The following MTUS2 variants were observed in gnomAD, a reference collection of about 807,000 sequenced individuals.
MTUS2 encodes the protein microtubule-associated tumor suppressor candidate 2.
In MTUS2, 40 loss-of-function variants were observed where a neutral mutation model predicts 114.1. The ratio of observed to expected loss-of-function variants is 0.35; its 90% CI spans 0.27 to 0.46. The LOEUF is 0.46. MTUS2 is among the 20% of genes least tolerant of loss of function. MTUS2 has a pLI of 1.00. For synonymous variants in MTUS2, 688 were observed against 672.0 expected, an observed-to-expected ratio of 1.02 and a Z score of -0.37; for missense variants, 1,679 against 1,705.4, an observed-to-expected ratio of 0.98 and a Z score of 0.27.
At chr13:29,065,645 T>G (rs890021312) in intron 4 of MTUS2, among the ~76,000 whole-genome samples, 2 of 152,220 alleles carry the variant, frequency 1.3e-5, no homozygotes, top group Non-Finnish European at 2.9e-5. Flanking sequence ...TAGTTTCTTT[T>G]GTGGGATTGC....
chr13:29,179,479 T>C (rs1359611047), intron 5 of MTUS2, among the ~76,000 whole-genome samples: 1 of 152,168 alleles, frequency 6.6e-6, no homozygotes, highest in Non-Finnish European at 1.5e-5. Flanking sequence ...AGTGGTAATA[T>C]GGAGAGATTC....
chr13:29,181,788 CTGTGTGTGTG>C (rs34853883), intron 5 of MTUS2, among the ~76,000 whole-genome samples: 18 of 146,822 alleles, frequency 1.2e-4, no homozygotes, highest in Middle Eastern at 3.5e-3. Context: ...TTATATACTA[CTGTGTGTGTG>C]TGTGTGTGTG....
chr13:29,150,455 C>T (rs1439705230), intron 5 of MTUS2, among the ~76,000 whole-genome samples: 1 of 152,092 alleles, frequency 6.6e-6, no homozygotes, highest in Non-Finnish European at 1.5e-5. Context: ...TTGTCAGATA[C>T]ATACCTTGCA....
intron 2 of MTUS2, among the ~76,000 whole-genome samples, chr13:28,931,518 C>G (rs903239766): frequency 2.6e-5 from 4 of 152,098 alleles, no homozygotes; most frequent in Non-Finnish European, 5.9e-5. Flanking sequence ...TGCCTGCTTC[C>G]CCTTCCACCA....
intron 2 of MTUS2, among the ~76,000 whole-genome samples, chr13:28,905,799 C>G (rs1332161748): frequency 6.6e-6 from 1 of 151,494 alleles, no homozygotes; most frequent in Non-Finnish European, 1.5e-5. Context: ...CCCTCTTTTT[C>G]TATTGATTGG....
chr13:29,061,738 A>G (rs1308401045), intron 4 of MTUS2, among the ~76,000 whole-genome samples: 1 of 152,236 alleles, frequency 6.6e-6, no homozygotes, highest in Non-Finnish European at 1.5e-5. Flanking sequence ...TTCCCTGAGG[A>G]TCATAGCCCT....
chr13:29,441,362 G>A (rs1877851808), intron 9 of MTUS2, among the ~76,000 whole-genome samples: 1 of 152,138 alleles, frequency 6.6e-6, no homozygotes, highest in Non-Finnish European at 1.5e-5. Context: ...CCCACTCCCC[G>A]CAGACGCTTG....
chr13:29,122,199 G>C (rs925481576), intron 5 of MTUS2, among the ~76,000 whole-genome samples: 1 of 152,222 alleles, frequency 6.6e-6, no homozygotes, highest in East Asian at 1.9e-4. Context: ...GGAGGGAGAA[G>C]GGGCTAAGTT....
chr13:28,929,950 G>A (rs1395556642), intron 2 of MTUS2, among the ~76,000 whole-genome samples: 1 of 152,146 alleles, frequency 6.6e-6, no homozygotes, highest in Non-Finnish European at 1.5e-5. Flanking sequence ...GATAGAGGAG[G>A]TGGGGCTGAG....
At chr13:29,068,064 A>G (rs1033136478) in intron 4 of MTUS2, among the ~76,000 whole-genome samples, 1 of 152,256 alleles carries the variant, frequency 6.6e-6, no homozygotes, top group Non-Finnish European at 1.5e-5. Context: ...AAATATCCCC[A>G]TAAGACAAAC....
chr13:29,327,253 T>C (rs1321518688), intron 7 of MTUS2, among the ~76,000 whole-genome samples: 1 of 152,190 alleles, frequency 6.6e-6, no homozygotes, highest in Non-Finnish European at 1.5e-5. Flanking sequence ...GAACAAATAC[T>C]AAACTACCCT....
At chr13:28,951,265 A>G (rs1882795738) in intron 2 of MTUS2, among the ~76,000 whole-genome samples, 1 of 152,262 alleles carries the variant, frequency 6.6e-6, no homozygotes, top group Admixed American at 6.5e-5. Flanking sequence ...TAGAGATTGC[A>G]TTAAAGCTGT....
chr13:29,039,482 G>T (rs1248509093), intron 4 of MTUS2, among the ~76,000 whole-genome samples: 3 of 152,182 alleles, frequency 2.0e-5, no homozygotes, highest in Non-Finnish European at 4.4e-5. Flanking sequence ...TGCAGCGGGG[G>T]AGGGCAGCAC....
rs1212589288 is a variant in MTUS2, at chr13:29,498,282, CCT to C, written c.3679-129_3679-128del. 96 of 1,248,084 alleles carry C rather than the reference CCT, an allele frequency of 7.7e-5. No homozygotes were observed. The South Asian group carries it at 1.2e-3, about 15-fold the overall frequency. 77.3% of individuals were successfully genotyped at this position (1,248,084 alleles called of 1,614,324 possible). ...CTTTATCAGGGAAGGCTGTGAGCATCCTCTCTCTTTGGTGTTGCAGTTGCCAT... is the reference window on the plus strand; with the variant it reads ...CTTTATCAGGGAAGGCTGTGAGCATCCTCTCTTTGGTGTTGCAGTTGCCAT... On this transcript the variant is annotated intron_variant, in intron 13 of 15. Transcript: ENST00000612955.
intron 8 of MTUS2, among the ~76,000 whole-genome samples, chr13:29,364,381 T>G (rs1240242938): frequency 2.6e-5 from 4 of 151,996 alleles, no homozygotes; most frequent in African/African-American, 9.7e-5. Context: ...CTGCATATCT[T>G]TAAGCCCTTG....
intron 9 of MTUS2, among the ~76,000 whole-genome samples, chr13:29,446,192 AC>A (rs555153249): frequency 1.1e-4 from 17 of 152,342 alleles, no homozygotes; most frequent in African/African-American, 4.1e-4. Context: ...GGGGAGAAGG[AC>A]CAAATATATT....
intron 3 of MTUS2, among the ~76,000 whole-genome samples, chr13:29,028,119 G>A (rs143232562): frequency 0.01 from 1,443 of 144,014 alleles, 30 homozygotes; most frequent in African/African-American, 0.04. Flanking sequence ...TTGGGAAGCC[G>A]AGATGGGCAG....
At chr13:29,460,004 T>C (rs1767608602) in intron 9 of MTUS2, among the ~76,000 whole-genome samples, 1 of 152,198 alleles carries the variant, frequency 6.6e-6, no homozygotes. Flanking sequence ...ATTCCGCAGA[T>C]GCTTGCAGAC....
At chr13:29,009,955 T>C (rs1026221871) in intron 2 of MTUS2, among the ~76,000 whole-genome samples, 3 of 152,126 alleles carry the variant, frequency 2.0e-5, no homozygotes, top group Admixed American at 6.5e-5. Context: ...CTCACTCCTG[T>C]AATCCCAGCA....
Sources: gnomAD v4.1 joint callset for allele counts (sites outside exome capture counted in the v4.1 genomes callset) on GRCh38, gnomAD v4.1.1 for gene constraint, MANE v1.5 for transcripts, NCBI Gene and HGNC (gene_info 2026-07-23, HGNC 2026-07-21) for gene names.